Variants in IGF2BP2 observed in about 807,000 individuals in gnomAD.
The protein encoded by IGF2BP2 is insulin like growth factor 2 mRNA binding protein 2.
In IGF2BP2, 17 loss-of-function variants were observed where a neutral mutation model predicts 75.8. The observed-to-expected ratio is 0.22, with a 90% confidence interval of 0.15 to 0.34. IGF2BP2 has a LOEUF of 0.34. Among genes scored for constraint, IGF2BP2 ranks in the 10% least tolerant of loss-of-function variants. The pLI, the probability that IGF2BP2 is intolerant of heterozygous loss-of-function variation, is 1.00. For missense variants in IGF2BP2, 516 were observed against 772.4 expected, an observed-to-expected ratio of 0.67 and a Z score of 3.93; for synonymous variants, 288 against 295.6, an observed-to-expected ratio of 0.97 and a Z score of 0.26.
chr3:185,675,485 C>A, intron 8 of IGF2BP2, 54 bp from the exon 9 acceptor site: 2 of 1,577,856 alleles, frequency 1.3e-6, no homozygotes, highest in Admixed American at 2.0e-5. Flanking sequence ...AAATAAAATG[C>A]CCAAAAAATA....
At chr3:185,820,601 T>G (rs1053049904) in intron 2 of IGF2BP2, among the ~76,000 whole-genome samples, 3 of 152,128 alleles carry the variant, frequency 2.0e-5, no homozygotes, top group Non-Finnish European at 4.4e-5. Flanking sequence ...TGGCATCTAG[T>G]CTATTATGCT....
At chr3:185,824,149 T>A (rs940020303) in intron 1 of IGF2BP2, among the ~76,000 whole-genome samples, 1 of 149,750 alleles carries the variant, frequency 6.7e-6, no homozygotes, top group African/African-American at 2.5e-5. Context: ...ACCGAGGGGA[T>A]GTGCCGTCGT....
intron 6 of IGF2BP2, 69 bp downstream of exon 6, chr3:185,689,286 G>A (rs1721580325): frequency 1.3e-6 from 2 of 1,516,888 alleles, no homozygotes; most frequent in Non-Finnish European, 1.8e-6. Context: ...TGACCTAAGA[G>A]TGGCTGAGAC....
chr3:185,733,506 CA>C lies in IGF2BP2; in HGVS notation c.240-35160del, dbSNP rs528913906. Among the ~76,000 whole-genome samples the C allele has an allele frequency of 3.0e-3, 460 of 152,280 alleles. 4 individuals are homozygous for C. The highest frequency in any genetic ancestry group is 0.01 in the African/African-American group (431 of 41,552). ...GCGCGGTGGCTCACGCCTGTAATCC[CA>C]ACACTTTGGGAGGCCGAGGCAGGCG... On this transcript the variant is annotated intron_variant, in intron 2 of 15. Coordinates refer to ENST00000382199, the MANE Select transcript of IGF2BP2 (RefSeq NM_006548.6).
intron 2 of IGF2BP2, among the ~76,000 whole-genome samples, chr3:185,711,557 A>G (rs1724797242): frequency 6.6e-6 from 1 of 152,210 alleles, no homozygotes; most frequent in African/African-American, 2.4e-5. Context: ...AGACAGCACC[A>G]TTAGCTGAGC....
intron 2 of IGF2BP2, among the ~76,000 whole-genome samples, chr3:185,803,293 GTGAGCCGAGA>G (rs2149956607): frequency 6.6e-6 from 1 of 152,336 alleles, no homozygotes; most frequent in African/African-American, 2.4e-5. Flanking sequence ...AGAGGTTGCA[GTGAGCCGAGA>G]TCATGCTACT....
At chr3:185,803,181 T>C (rs1246420203) in intron 2 of IGF2BP2, among the ~76,000 whole-genome samples, 1 of 152,114 alleles carries the variant, frequency 6.6e-6, no homozygotes, top group Non-Finnish European at 1.5e-5. Context: ...TGAAACCCTG[T>C]CTCTAATAAA....
chr3:185,661,571 G>C (rs1279300891), intron 10 of IGF2BP2, among the ~76,000 whole-genome samples: 1 of 146,832 alleles, frequency 6.8e-6, no homozygotes, highest in Non-Finnish European at 1.5e-5. Context: ...CGGGAGACAA[G>C]AGGTTTCAGT....
chr3:185,736,638 A>G (rs551880835), intron 2 of IGF2BP2, among the ~76,000 whole-genome samples: 9 of 152,256 alleles, frequency 5.9e-5, no homozygotes, highest in African/African-American at 1.7e-4. Flanking sequence ...ACATCTCTGC[A>G]TCTTGCTCAC....
chr3:185,780,354 C>T (rs1283501831), intron 2 of IGF2BP2, among the ~76,000 whole-genome samples: 1 of 152,134 alleles, frequency 6.6e-6, no homozygotes, highest in Non-Finnish European at 1.5e-5. Context: ...TCACTTATCA[C>T]CTGTGGGACA....
chr3:185,808,997 T>C (rs184183764), intron 2 of IGF2BP2, among the ~76,000 whole-genome samples: 1 of 152,350 alleles, frequency 6.6e-6, no homozygotes, highest in East Asian at 1.9e-4. Flanking sequence ...ACAGTAACTT[T>C]AGATGCTGTC....
In IGF2BP2 at chr3:185,824,263, G is replaced by A. The variant is rs549104711; in HGVS notation, c.178+520C>T. ...GGGCCGTGGGGCGAGGTGGGGAGGG[G>A]GCTCGAAAGGAGAGTGCGGCTCAGG... On this transcript the variant is annotated intron_variant, in intron 1 of 15. Transcript: ENST00000382199. 1.9e-4 allele frequency among the ~76,000 whole-genome samples: 29 copies of A among 151,666 alleles called. 2 individuals carry two copies. In the South Asian group the frequency reaches 6.1e-3, roughly 32 times the overall value.
chr3:185,682,462 A>G (rs939908483), intron 7 of IGF2BP2, among the ~76,000 whole-genome samples: 1 of 152,166 alleles, frequency 6.6e-6, no homozygotes, highest in Non-Finnish European at 1.5e-5. Flanking sequence ...CAGAACTGTG[A>G]GCCAAATAAA....
chr3:185,656,920 T>G (rs563837004), intron 12 of IGF2BP2, among the ~76,000 whole-genome samples: 11 of 152,346 alleles, frequency 7.2e-5, no homozygotes, highest in African/African-American at 2.6e-4. Context: ...GCCTGTGAAG[T>G]GGAGACTCAT....
intron 2 of IGF2BP2, among the ~76,000 whole-genome samples, chr3:185,778,061 T>C (rs901039908): frequency 6.6e-6 from 1 of 152,180 alleles, no homozygotes; most frequent in Admixed American, 6.5e-5. Context: ...TGAGCATTGT[T>C]GTGCTGTATC....
chr3:185,794,903 T>C (rs560067572), intron 2 of IGF2BP2, among the ~76,000 whole-genome samples: 2 of 152,170 alleles, frequency 1.3e-5, no homozygotes, highest in South Asian at 4.1e-4. Context: ...ATCTTTTCTT[T>C]TCTTTTTTTT....
chr3:185,822,420 C>T (rs1433658120), intron 2 of IGF2BP2, among the ~76,000 whole-genome samples: 1 of 152,200 alleles, frequency 6.6e-6, no homozygotes, highest in Non-Finnish European at 1.5e-5. Context: ...GATGTTTTCT[C>T]TTCTCTTCTC....
intron 7 of IGF2BP2, among the ~76,000 whole-genome samples, chr3:185,683,285 G>A (rs1720652948): frequency 6.6e-6 from 1 of 152,166 alleles, no homozygotes; most frequent in Non-Finnish European, 1.5e-5. Context: ...ACGGGAGAGG[G>A]AAAAGAGAGT....
At chr3:185,714,338 A>G (rs1181182351) in intron 2 of IGF2BP2, among the ~76,000 whole-genome samples, 2 of 152,192 alleles carry the variant, frequency 1.3e-5, no homozygotes, top group African/African-American at 4.8e-5. Context: ...GCTGTTTCCA[A>G]AAAGTAAGTA....
Sources: allele counts gnomAD v4.1 joint callset (sites outside exome capture counted in the v4.1 genomes callset), GRCh38; gene constraint gnomAD v4.1.1; transcripts MANE v1.5; gene names NCBI Gene and HGNC (gene_info 2026-07-23, HGNC 2026-07-21).